HELZ: variants seen among roughly 807,000 people sequenced by gnomAD.
HELZ encodes the protein ATP-dependent RNA helicase with zinc finger domain.
A neutral mutation model predicts 218.2 loss-of-function variants in HELZ; 23 were observed. The observed-to-expected ratio is 0.11, with a 90% CI of 0.08 to 0.15. The LOEUF (loss-of-function observed/expected upper bound fraction) is 0.15. Among genes scored for constraint, HELZ ranks in the 10% least tolerant of loss-of-function variants. The probability of loss-of-function intolerance (pLI) is 1.00; values close to 1 mark genes in which losing one functional copy is unlikely to be tolerated. For synonymous variants in HELZ, 814 were observed against 829.4 expected (o/e 0.98, Z 0.32); for missense variants, 1,813 against 2,353.7 (o/e 0.77, Z 4.75).
chr17:67,149,427 CTT>C (rs1219456695), intron 19 of HELZ, among the ~76,000 whole-genome samples: 1 of 152,154 alleles, frequency 6.6e-6, no homozygotes, highest in Non-Finnish European at 1.5e-5. Context: ...AAATCACACT[CTT>C]TGACATTTTG....
At chr17:67,220,855 C>A (rs2040725309) in intron 3 of HELZ, among the ~76,000 whole-genome samples, 2 of 145,338 alleles carry the variant, frequency 1.4e-5, no homozygotes, top group East Asian at 2.1e-4. Flanking sequence ...TAACTCCCCC[C>A]CCCCCAAAAA....
At chr17:67,169,897 A>G (rs1014095892) in intron 13 of HELZ, among the ~76,000 whole-genome samples, 18 of 152,210 alleles carry the variant, frequency 1.2e-4, no homozygotes, top group Non-Finnish European at 1.8e-4. Flanking sequence ...CCCATTCCCA[A>G]AGGGAAAACT....
rs536477369 is a variant in HELZ, at chr17:67,193,317, A to G, written c.557+650T>C. Among the ~76,000 whole-genome samples, 3 of 150,394 alleles carry G rather than the reference A, an allele frequency of 2.0e-5. No homozygotes were observed. In the South Asian group the frequency reaches 6.4e-4, roughly 32 times the overall value. On this transcript the variant is annotated intron_variant, in intron 9 of 32. Coordinates refer to ENST00000358691, the MANE Select transcript of HELZ (RefSeq NM_014877.4). ...CTGTGATCAAGCCACTGCACTCCCA[A>G]CTGGGCAACAGAATGAGACTCTGTC... is the stretch of plus-strand genomic sequence containing the variant.
At chr17:67,171,404 G>A (rs933131398) in intron 13 of HELZ, among the ~76,000 whole-genome samples, 2 of 152,122 alleles carry the variant, frequency 1.3e-5, no homozygotes, top group African/African-American at 2.4e-5. Flanking sequence ...TGTCATCCAC[G>A]TAGGTATCCA....
intron 32 of HELZ, among the ~76,000 whole-genome samples, chr17:67,083,640 AAAAC>A (rs764406745): frequency 1.3e-4 from 20 of 152,328 alleles, no homozygotes; most frequent in African/African-American, 2.2e-4. Context: ...AAAACAAAAC[AAAAC>A]AAACAAACAA....
chr17:67,194,859 G>A (rs1470503247), intron 8 of HELZ, among the ~76,000 whole-genome samples: 1 of 152,154 alleles, frequency 6.6e-6, no homozygotes, highest in Non-Finnish European at 1.5e-5. Context: ...TGTGACTTTA[G>A]GGCAACTCAT....
At chr17:67,154,283 C>T (rs1402553164) in intron 17 of HELZ, among the ~76,000 whole-genome samples, 3 of 152,042 alleles carry the variant, frequency 2.0e-5, no homozygotes, top group African/African-American at 7.2e-5. Flanking sequence ...CAAAAATTAG[C>T]CTGGCATGGT....
At chr17:67,230,626 T>G (rs1357415052) in intron 3 of HELZ, among the ~76,000 whole-genome samples, 1 of 148,436 alleles carries the variant, frequency 6.7e-6, no homozygotes, top group African/African-American at 2.5e-5. Flanking sequence ...AAGCAAATTA[T>G]ACTAAAAGGC....
At chr17:67,085,270 A>G (rs1050004178) in intron 32 of HELZ, among the ~76,000 whole-genome samples, 1 of 151,830 alleles carries the variant, frequency 6.6e-6, no homozygotes, top group African/African-American at 2.4e-5. Context: ...ATAAACACGA[A>G]AATTAGCCAG....
intron 4 of HELZ, among the ~76,000 whole-genome samples, chr17:67,216,916 C>G (rs570748560): frequency 4.7e-4 from 72 of 152,278 alleles, no homozygotes; most frequent in Admixed American, 3.9e-3. Context: ...GGTTGTTGCT[C>G]TGCTCCCCAA....
chr17:67,158,929 G>C (rs749765006), intron 17 of HELZ, among the ~76,000 whole-genome samples: 26 of 152,128 alleles, frequency 1.7e-4, no homozygotes, highest in Non-Finnish European at 2.9e-4. Context: ...CCTATGCTAA[G>C]TCGACCGAGA....
intron 28 of HELZ, among the ~76,000 whole-genome samples, chr17:67,110,515 C>A (rs2037248971): frequency 6.6e-6 from 1 of 152,028 alleles, no homozygotes; most frequent in African/African-American, 2.4e-5. Context: ...TCAATTTTTC[C>A]ATTACATATT....
chr17:67,231,125 C>A (rs988182730), intron 3 of HELZ, among the ~76,000 whole-genome samples: 1 of 151,994 alleles, frequency 6.6e-6, no homozygotes, highest in Non-Finnish European at 1.5e-5. Flanking sequence ...AAATAGTACT[C>A]CTGAAAACTG....
intron 3 of HELZ, among the ~76,000 whole-genome samples, chr17:67,223,662 G>A (rs1223087750): frequency 2.6e-5 from 4 of 152,054 alleles, no homozygotes; most frequent in African/African-American, 9.7e-5. Context: ...TGAGGCAGGA[G>A]AATCACTTGA....
At chr17:67,207,084 G>T (rs1273651079) in intron 5 of HELZ, among the ~76,000 whole-genome samples, 1 of 149,034 alleles carries the variant, frequency 6.7e-6, no homozygotes, top group Non-Finnish European at 1.5e-5. Context: ...GGTTAATTTT[G>T]TATTTTTAGT....
chr17:67,215,497 C>T (rs770043989), intron 5 of HELZ, among the ~76,000 whole-genome samples: 23 of 152,054 alleles, frequency 1.5e-4, no homozygotes, highest in Non-Finnish European at 3.2e-4. Flanking sequence ...TACAGGCATG[C>T]GCCGCCACGC....
intron 26 of HELZ, 124 bp downstream of exon 26, chr17:67,122,846 A>G: frequency 1.6e-6 from 1 of 626,944 alleles, no homozygotes; most frequent in Non-Finnish European, 2.7e-6. Context: ...CTTTAAAAGA[A>G]GATTATCAGC....
At chr17:67,239,900 G>A (rs1016499331) in intron 2 of HELZ, 3 of 152,134 alleles carry the variant, frequency 2.0e-5, no homozygotes, top group African/African-American at 7.2e-5. Flanking sequence ...TTTGTAAAAT[G>A]GAAATAACTA....
intron 2 of HELZ, among the ~76,000 whole-genome samples, chr17:67,242,841 A>G (rs1326153030): frequency 3.4e-5 from 5 of 146,060 alleles, no homozygotes; most frequent in Non-Finnish European, 7.6e-5. Flanking sequence ...CTCAATCTAG[A>G]AAAAAAAAAA....
Sources: gnomAD v4.1 joint callset for allele counts (sites outside exome capture counted in the v4.1 genomes callset) on GRCh38, gnomAD v4.1.1 for gene constraint, MANE v1.5 for transcripts, NCBI Gene and HGNC (gene_info 2026-07-23, HGNC 2026-07-21) for gene names.